The following AK4 variants were observed in gnomAD, a reference collection of about 807,000 sequenced individuals.
AK4 encodes the protein adenylate kinase 4, mitochondrial.
In AK4, 13 loss-of-function variants were observed where a neutral mutation model predicts 24.6. The ratio of observed to expected loss-of-function variants is 0.53; its 90% CI spans 0.34 to 0.84. The LOEUF is 0.84. Ranked by LOEUF, AK4 falls within the 40% of genes least tolerant of loss-of-function variation. AK4 has a pLI of 0.01. For synonymous variants in AK4, 88 were observed against 107.0 expected, an observed-to-expected ratio of 0.82 and a Z score of 1.10; for missense variants, 192 against 288.2, an observed-to-expected ratio of 0.67 and a Z score of 2.42.
At chr1:65,220,907 GA>G (rs1652276656) in intron 3 of AK4, among the ~76,000 whole-genome samples, 1 of 152,156 alleles carries the variant, frequency 6.6e-6, no homozygotes. Context: ...AGATCAGGGA[GA>G]AAGTCATGAG....
At chr1:65,175,420 C>T (rs1245923091) in intron 1 of AK4, among the ~76,000 whole-genome samples, 4 of 152,220 alleles carry the variant, frequency 2.6e-5, no homozygotes, top group Non-Finnish European at 5.9e-5. Context: ...GAGCAGATGG[C>T]ACTGGAGAAT....
chr1:65,176,498 G>A lies in AK4; in HGVS notation c.146-14212G>A, dbSNP rs1026834261. On this transcript the variant is annotated intron_variant, in intron 1 of 4. Coordinates refer to ENST00000327299, the MANE Select transcript of AK4 (RefSeq NM_013410.4). ...ACTCCACCTCTCACGTTTAGAACGG[G>A]CATAATGATCAGTTGATTTCGCTGC... Among the ~76,000 whole-genome samples the A allele has an allele frequency of 3.3e-5, 5 of 152,240 alleles. No homozygotes were observed. In the East Asian group the frequency reaches 9.6e-4, roughly 29 times the overall value.
upstream of AK4, chr1:65,148,171 G>A (rs1049452577): frequency 3.6e-6 from 3 of 822,914 alleles, no homozygotes; most frequent in Non-Finnish European, 3.5e-6. Flanking sequence ...GCGAGGAGGT[G>A]GAGAAGGGCG....
chr1:65,183,607 A>G (rs541013206), intron 1 of AK4, among the ~76,000 whole-genome samples: 2 of 151,362 alleles, frequency 1.3e-5, no homozygotes. Flanking sequence ...TGTCCTGCAT[A>G]TTTAGGGTTG....
intron 1 of AK4, among the ~76,000 whole-genome samples, chr1:65,155,162 G>A (rs1044978783): frequency 1.3e-5 from 2 of 151,962 alleles, no homozygotes; most frequent in Non-Finnish European, 2.9e-5. Flanking sequence ...CATAGGGAGC[G>A]TTTTAAACGT....
rs2101104534 is a variant in AK4, at chr1:65,229,335, AC to A, written c.*3160del. On this transcript the variant is annotated 3_prime_UTR_variant, in exon 5 of 5. Transcript: ENST00000327299. ...GGTTGTCGGAGGCCAAAAGTTCAAG[AC>A]CAGGCTGGGCAATATCACAAGACTC... 6.6e-6 allele frequency: 1 copy of A among 152,368 alleles called. No homozygotes were observed. Among genetic ancestry groups the A allele is most frequent in the South Asian group, 2.1e-4 (1 of 4,822 alleles). 9.4% of individuals were successfully genotyped at this position (152,368 alleles called of 1,614,324 possible). A position where few individuals can be genotyped will look rare whatever the true frequency, so the allele number is the denominator to read the frequency against.
chr1:65,162,421 G>A (rs1650197885), intron 1 of AK4, among the ~76,000 whole-genome samples: 2 of 152,204 alleles, frequency 1.3e-5, no homozygotes, highest in South Asian at 4.1e-4. Flanking sequence ...GGCATGGCCA[G>A]GAGTTTGGGC....
chr1:65,148,224 C>A lies in AK4; in HGVS notation c.-184C>A. ...GCTCAGTCCGCCTGCTACTCGGTCCCGGCGCTGGGCTGAGGGGAGGGGTTG... is the reference window on the plus strand; with the variant it reads ...GCTCAGTCCGCCTGCTACTCGGTCCAGGCGCTGGGCTGAGGGGAGGGGTTG... On this transcript the variant is annotated 5_prime_UTR_variant, in exon 1 of 5. Coordinates refer to ENST00000327299, the MANE Select transcript of AK4 (RefSeq NM_013410.4). 8.2e-7 allele frequency: 1 copy of A among 1,225,488 alleles called. No homozygotes were observed. Among genetic ancestry groups the A allele is most frequent in the Non-Finnish European group, 1.1e-6 (1 of 918,842 alleles). 75.9% of individuals were successfully genotyped at this position (1,225,488 alleles called of 1,614,324 possible).
intron 1 of AK4, among the ~76,000 whole-genome samples, chr1:65,175,875 A>C (rs1650696561): frequency 6.6e-6 from 1 of 152,106 alleles, no homozygotes; most frequent in Non-Finnish European, 1.5e-5. Flanking sequence ...CATTCATCCC[A>C]ATCTGCTTTT....
At chr1:65,223,226 G>A (rs1032568736) in intron 3 of AK4, among the ~76,000 whole-genome samples, 8 of 150,924 alleles carry the variant, frequency 5.3e-5, no homozygotes, top group East Asian at 3.9e-4. Context: ...ACAGTGTCTC[G>A]CTCTGTCACC....
At chr1:65,154,416 C>A in intron 1 of AK4, 1 of 420,884 alleles carries the variant, frequency 2.4e-6, no homozygotes, top group Non-Finnish European at 4.9e-6. Flanking sequence ...TTAAGAATGC[C>A]CTTGGAAGAG....
Position 65,172,103 on chromosome 1 carries a change from A to ATATATATATATT in AK4, c.146-18606_146-18605insATATATATATTT, listed in dbSNP as rs1553122938. On this transcript the variant is annotated intron_variant, in intron 1 of 4. Coordinates refer to ENST00000327299, the MANE Select transcript of AK4 (RefSeq NM_013410.4). ...TATATATATATATATATATATATAT[A>ATATATATATATT]TTTAAACTCATTACACTTCCCAAAT... 1.5e-3 allele frequency among the ~76,000 whole-genome samples: 174 copies of ATATATATATATT among 115,494 alleles called. 4 individuals are homozygous for ATATATATATATT. The highest frequency in any genetic ancestry group is 4.9e-3 in the East Asian group (16 of 3,288). The allele number at this position is 115,494 out of a possible 152,430, so 75.8% of individuals were successfully genotyped here. A position where few individuals can be genotyped will look rare whatever the true frequency, so the allele number is the denominator to read the frequency against.
intron 2 of AK4, 55 bp from the exon 3 acceptor site, chr1:65,218,699 C>G (rs1443998486): frequency 2.7e-6 from 4 of 1,476,152 alleles, no homozygotes; most frequent in African/African-American, 1.4e-5. Context: ...GTTTCAAGAA[C>G]TAATTGGAAC....
intron 1 of AK4, among the ~76,000 whole-genome samples, chr1:65,176,836 C>T (rs1650732237): frequency 1.3e-5 from 2 of 152,156 alleles, no homozygotes; most frequent in South Asian, 4.1e-4. Flanking sequence ...AGTAGTAGTT[C>T]CTGGTGTCAT....
intron 1 of AK4, among the ~76,000 whole-genome samples, chr1:65,169,309 A>C (rs2101005448): frequency 6.6e-6 from 1 of 152,194 alleles, no homozygotes; most frequent in African/African-American, 2.4e-5. Context: ...GTTTATTTGG[A>C]TTGTTTCCAC....
intron 1 of AK4, among the ~76,000 whole-genome samples, chr1:65,165,305 A>G (rs1323065775): frequency 6.6e-6 from 1 of 152,194 alleles, no homozygotes; most frequent in African/African-American, 2.4e-5. Context: ...CGAGCCTTGA[A>G]GGATGAGTAG....
intron 3 of AK4, among the ~76,000 whole-genome samples, chr1:65,222,474 G>T (rs1652328390): frequency 6.6e-6 from 1 of 152,160 alleles, no homozygotes; most frequent in African/African-American, 2.4e-5. Context: ...CTTAACTCCT[G>T]TGTCAGTGGT....
chr1:65,157,459 G>C (rs891124936), intron 1 of AK4, among the ~76,000 whole-genome samples: 8 of 152,106 alleles, frequency 5.3e-5, no homozygotes, highest in African/African-American at 9.7e-5. Flanking sequence ...GTGGAGGCAG[G>C]CAGTCAGACA....
chr1:65,211,362 C>T (rs1415533470), intron 2 of AK4, among the ~76,000 whole-genome samples: 4 of 152,194 alleles, frequency 2.6e-5, no homozygotes, highest in African/African-American at 7.2e-5. Context: ...GTTCCTGAAG[C>T]CATACAAGAT....
Sources: gnomAD v4.1 joint callset for allele counts (sites outside exome capture counted in the v4.1 genomes callset) on GRCh38, gnomAD v4.1.1 for gene constraint, MANE v1.5 for transcripts, NCBI Gene and HGNC (gene_info 2026-07-23, HGNC 2026-07-21) for gene names.